The following MACROD2 variants were observed in gnomAD, a reference collection of about 807,000 sequenced individuals.
MACROD2 encodes the protein mono-ADP ribosylhydrolase 2.
MACROD2 carries 36 observed loss-of-function variants against 70.4 expected under a neutral mutation model. The ratio of observed to expected loss-of-function variants is 0.51; its 90% confidence interval spans 0.39 to 0.68. The LOEUF (loss-of-function observed/expected upper bound fraction) is 0.68. MACROD2 is among the 30% of genes least tolerant of loss of function. The probability of loss-of-function intolerance (pLI) is 0.00; values close to 1 mark genes in which losing one functional copy is unlikely to be tolerated. For missense variants in MACROD2, 496 were observed against 538.4 expected (o/e 0.92, Z 0.78); for synonymous variants, 172 against 178.8 (o/e 0.96, Z 0.30).
chr20:15,565,487 A>G lies in MACROD2; in HGVS notation c.645+65640A>G, dbSNP rs79045311. 8.4e-4 allele frequency among the ~76,000 whole-genome samples: 128 copies of G among 152,346 alleles called. 1 individual carries two copies. Among genetic ancestry groups the G allele is most frequent in the African/African-American group, 2.7e-3 (114 of 41,586 alleles). On this transcript the variant is annotated intron_variant, in intron 8 of 17. Coordinates refer to ENST00000684519, the MANE Select transcript of MACROD2 (RefSeq NM_001351661.2). ...CATTCACTGAAATAATTATTTTAGC[A>G]TATTAAATAAAATACCAAATAGTGT...
At chr20:14,137,284 G>T (rs534317602) in intron 3 of MACROD2, among the ~76,000 whole-genome samples, 1 of 152,276 alleles carries the variant, frequency 6.6e-6, no homozygotes, top group Admixed American at 6.5e-5. Context: ...GAGTAAGCTA[G>T]AGATAAGAAA....
chr20:15,211,407 C>A (rs2076762435), intron 5 of MACROD2, among the ~76,000 whole-genome samples: 1 of 152,082 alleles, frequency 6.6e-6, no homozygotes. Flanking sequence ...TGGTTTAGAT[C>A]TTTGTCCCCT....
At chr20:15,281,615 C>T (rs1461442580) in intron 6 of MACROD2, among the ~76,000 whole-genome samples, 2 of 152,244 alleles carry the variant, frequency 1.3e-5, no homozygotes, top group African/African-American at 2.4e-5. Flanking sequence ...CATGCTGATG[C>T]AAGAGGTGGG....
intron 8 of MACROD2, among the ~76,000 whole-genome samples, chr20:15,809,874 T>A (rs544347545): frequency 2.2e-4 from 34 of 151,662 alleles, no homozygotes; most frequent in African/African-American, 6.3e-4. Context: ...TTTTTTTTTT[T>A]TTATTATACT....
intron 3 of MACROD2, among the ~76,000 whole-genome samples, chr20:14,196,706 T>G (rs767231335): frequency 9.2e-5 from 14 of 152,260 alleles, no homozygotes; most frequent in Non-Finnish European, 1.5e-4. Context: ...ACGGCTCACA[T>G]GCTTTTGGGA....
chr20:15,276,606 C>T (rs2077395686), intron 6 of MACROD2, among the ~76,000 whole-genome samples: 1 of 152,144 alleles, frequency 6.6e-6, no homozygotes, highest in African/African-American at 2.4e-5. Flanking sequence ...GGGGCCCTTT[C>T]TTCTCTCAAC....
intron 3 of MACROD2, among the ~76,000 whole-genome samples, chr20:14,100,157 A>G (rs1181200765): frequency 6.6e-6 from 1 of 152,056 alleles, no homozygotes; most frequent in Non-Finnish European, 1.5e-5. Context: ...ACCCTTCATC[A>G]TATGGGAAGA....
intron 10 of MACROD2, among the ~76,000 whole-genome samples, chr20:15,911,087 G>A (rs895182549): frequency 1.3e-5 from 2 of 152,070 alleles, no homozygotes; most frequent in African/African-American, 2.4e-5. Context: ...CATTGTCTCC[G>A]ATTGGCTAGA....
chr20:14,317,987 T>C (rs184059739), intron 3 of MACROD2, among the ~76,000 whole-genome samples: 2 of 152,304 alleles, frequency 1.3e-5, no homozygotes, highest in East Asian at 1.9e-4. Flanking sequence ...CTAATATTTA[T>C]AGAACATATT....
chr20:15,778,716 A>G (rs6135509), intron 8 of MACROD2, among the ~76,000 whole-genome samples: 30,205 of 151,870 alleles, frequency 0.2, 3,072 homozygotes, highest in Non-Finnish European at 0.22. Context: ...ATGAACTGTT[A>G]TCTTAGATAG....
chr20:14,414,104 A>C (rs1474259639), intron 3 of MACROD2, among the ~76,000 whole-genome samples: 1 of 152,106 alleles, frequency 6.6e-6, no homozygotes, highest in African/African-American at 2.4e-5. Flanking sequence ...ACAACTCTCT[A>C]ATTTATATCT....
intron 5 of MACROD2, among the ~76,000 whole-genome samples, chr20:14,872,954 C>T (rs2073506193): frequency 6.6e-6 from 1 of 152,056 alleles, no homozygotes; most frequent in Non-Finnish European, 1.5e-5. Flanking sequence ...ATGAAGCTAT[C>T]AGATCTCCTG....
At chr20:14,129,622 CAT>C (rs2054693147) in intron 3 of MACROD2, among the ~76,000 whole-genome samples, 1 of 152,138 alleles carries the variant, frequency 6.6e-6, no homozygotes, top group Non-Finnish European at 1.5e-5. Context: ...AATAGCATGA[CAT>C]ATTGTAGAGA....
At chr20:15,649,091 CCCTCCCCTCCCCTCCCCTT>C (rs2049600177) in intron 8 of MACROD2, among the ~76,000 whole-genome samples, 4 of 68,254 alleles carry the variant, frequency 5.9e-5, no homozygotes, top group Admixed American at 1.8e-4. Context: ...CCCTCCCCTT[CCCTCCCCTCCCCTCCCCTT>C]CCCTCCCCTC....
intron 5 of MACROD2, among the ~76,000 whole-genome samples, chr20:14,772,118 C>T (rs144172610): frequency 1.3e-5 from 2 of 152,042 alleles, no homozygotes; most frequent in Non-Finnish European, 2.9e-5. Context: ...AATCTTTAGA[C>T]TGTTAAAAAT....
chr20:14,141,620 C>T (rs1305499015), intron 3 of MACROD2, among the ~76,000 whole-genome samples: 2 of 151,712 alleles, frequency 1.3e-5, no homozygotes, highest in African/African-American at 4.8e-5. Flanking sequence ...TGGCACATGC[C>T]CGTAATCCCA....
intron 10 of MACROD2, among the ~76,000 whole-genome samples, chr20:15,909,302 G>A (rs1278539160): frequency 1.3e-5 from 2 of 152,112 alleles, no homozygotes; most frequent in African/African-American, 2.4e-5. Context: ...GAAAGAGCTT[G>A]TTATTCAGTG....
chr20:15,593,156 A>G (rs76226430), intron 8 of MACROD2, among the ~76,000 whole-genome samples: 1 of 152,242 alleles, frequency 6.6e-6, no homozygotes, highest in African/African-American at 2.4e-5. Flanking sequence ...TGTGATATGA[A>G]GCAATTATCA....
intron 3 of MACROD2, among the ~76,000 whole-genome samples, chr20:14,189,122 T>C (rs568586424): frequency 6.6e-6 from 1 of 152,314 alleles, no homozygotes; most frequent in South Asian, 2.1e-4. Flanking sequence ...CTTTATTTTT[T>C]GTTTGCAGTA....
Sources: gnomAD v4.1 joint callset for allele counts (sites outside exome capture counted in the v4.1 genomes callset) on GRCh38, gnomAD v4.1.1 for gene constraint, MANE v1.5 for transcripts, NCBI Gene and HGNC (gene_info 2026-07-23, HGNC 2026-07-21) for gene names.